CLIC6: variants seen among roughly 807,000 people sequenced by gnomAD.
CLIC6 encodes the protein CLIC family member 6, also known as chloride intracellular channel protein 6.
CLIC6 carries 39 observed loss-of-function variants against 49.2 expected under a neutral mutation model. The ratio of observed to expected loss-of-function variants is 0.79; its 90% CI spans 0.61 to 1.04. The LOEUF is 1.04. CLIC6 is among the 50% of genes least tolerant of loss of function. The pLI is 0.00. For synonymous variants in CLIC6, 446 were observed against 433.4 expected, an observed-to-expected ratio of 1.03 and a Z score of -0.36; for missense variants, 988 against 993.1, an observed-to-expected ratio of 0.99 and a Z score of 0.07.
intron 5 of CLIC6, among the ~76,000 whole-genome samples, chr21:34,710,790 G>A (rs1235709932): frequency 6.6e-6 from 1 of 152,060 alleles, no homozygotes; most frequent in Non-Finnish European, 1.5e-5. Flanking sequence ...TCCAGCTTGG[G>A]TGACAGAGCA....
At chr21:34,670,895 G>C (rs1023229942) in intron 1 of CLIC6, 133 bp downstream of exon 1, 5 of 1,064,286 alleles carry the variant, frequency 4.7e-6, no homozygotes, top group Non-Finnish European at 6.5e-6. Flanking sequence ...TTCCATGCGC[G>C]GGCGGTAGGC....
intron 1 of CLIC6, among the ~76,000 whole-genome samples, chr21:34,694,135 A>ATTTTTTTTTTTTTTTTTT (rs57210806): frequency 1.6e-4 from 20 of 128,416 alleles, no homozygotes; most frequent in African/African-American, 6.3e-4. Flanking sequence ...CGCCTGGTTA[A>ATTTTTTTTTTTTTTTTTT]TTTTTTTTTT....
chr21:34,708,213 C>A, intron 3 of CLIC6, 144 bp downstream of exon 3: 2 of 965,374 alleles, frequency 2.1e-6, no homozygotes, highest in Non-Finnish European at 3.1e-6. Context: ...CTGGTGTAAC[C>A]AGATTAGAGT....
At chr21:34,702,642 T>A (rs1006145383) in intron 1 of CLIC6, among the ~76,000 whole-genome samples, 4 of 152,194 alleles carry the variant, frequency 2.6e-5, no homozygotes, top group African/African-American at 4.8e-5. Context: ...GCTGGCTGTG[T>A]GGCTTGAAGG....
At chr21:34,693,989 T>G (rs2145809133) in intron 1 of CLIC6, among the ~76,000 whole-genome samples, 1 of 149,828 alleles carries the variant, frequency 6.7e-6, no homozygotes, top group East Asian at 1.9e-4. Context: ...TTTTTTTTTT[T>G]TTTGACGGAG....
rs58117172 is a variant in CLIC6, at chr21:34,716,860, T to TCAC, written c.*378_*379insCAC. 1 of 98,320 alleles carries TCAC rather than the reference T, an allele frequency of 1.0e-5. No homozygotes were observed. The highest frequency in any genetic ancestry group is 6.5e-5 in the African/African-American group (1 of 15,422). The allele number at this position is 98,320 out of a possible 1,614,324, so 6.1% of individuals were successfully genotyped here. A position where few individuals can be genotyped will look rare whatever the true frequency, so the allele number is the denominator to read the frequency against. On this transcript the variant is annotated 3_prime_UTR_variant, in exon 6 of 6. Transcript: ENST00000349499. Reference sequence around the variant, plus strand: ...CTCTCTCTCTCTCTCTCTCTCTCTCTATCACACACACACACACACACACAC... The same window carrying TCAC: ...CTCTCTCTCTCTCTCTCTCTCTCTCTCACATCACACACACACACACACACACAC...
At chr21:34,691,920 T>C (rs748203940) in intron 1 of CLIC6, among the ~76,000 whole-genome samples, 2 of 152,222 alleles carry the variant, frequency 1.3e-5, no homozygotes, top group Non-Finnish European at 2.9e-5. Context: ...TATTGAGAAC[T>C]TTAATTTAGC....
intron 1 of CLIC6, among the ~76,000 whole-genome samples, chr21:34,679,898 C>T (rs556120741): frequency 1.2e-4 from 19 of 152,360 alleles, no homozygotes; most frequent in South Asian, 6.2e-4. Flanking sequence ...GCTGCTTTCA[C>T]GGACTGGTGT....
chr21:34,702,836 T>C (rs929785713), intron 1 of CLIC6, among the ~76,000 whole-genome samples: 2 of 152,100 alleles, frequency 1.3e-5, no homozygotes, highest in South Asian at 2.1e-4. Flanking sequence ...TTTTCATCAG[T>C]TTGGTTCAGC....
At chr21:34,688,323 G>A (rs1989921067) in intron 1 of CLIC6, among the ~76,000 whole-genome samples, 1 of 152,312 alleles carries the variant, frequency 6.6e-6, no homozygotes, top group African/African-American at 2.4e-5. Flanking sequence ...GCTGGGTTTT[G>A]CTGGCTGTTG....
intron 1 of CLIC6, among the ~76,000 whole-genome samples, chr21:34,680,809 C>A (rs753664902): frequency 1.3e-5 from 2 of 152,224 alleles, no homozygotes; most frequent in Non-Finnish European, 2.9e-5. Context: ...TCACTACCAG[C>A]ATTTTGGTCA....
chr21:34,705,865 G>T (rs1205784423), intron 1 of CLIC6, among the ~76,000 whole-genome samples: 1 of 152,136 alleles, frequency 6.6e-6, no homozygotes, highest in Non-Finnish European at 1.5e-5. Flanking sequence ...TTGGACTAAG[G>T]CTGAACTTCT....
chr21:34,682,521 C>T (rs1225901749), intron 1 of CLIC6, among the ~76,000 whole-genome samples: 2 of 151,866 alleles, frequency 1.3e-5, no homozygotes, highest in Non-Finnish European at 2.9e-5. Flanking sequence ...TTGACCTATT[C>T]TTTCTGATTT....
intron 1 of CLIC6, among the ~76,000 whole-genome samples, chr21:34,680,057 C>A (rs1212946127): frequency 3.9e-5 from 6 of 152,252 alleles, no homozygotes; most frequent in Non-Finnish European, 8.8e-5. Flanking sequence ...CCTACATTTC[C>A]CTTCTGTACT....
chr21:34,675,778 C>T (rs569895145), intron 1 of CLIC6, among the ~76,000 whole-genome samples: 14 of 152,310 alleles, frequency 9.2e-5, no homozygotes, highest in Admixed American at 4.6e-4. Context: ...GCAGGCCCTC[C>T]ACTGTGCTTT....
chr21:34,694,705 C>A (rs58433295), intron 1 of CLIC6, among the ~76,000 whole-genome samples: 2,323 of 152,288 alleles, frequency 0.015, 56 homozygotes, highest in African/African-American at 0.053. Context: ...AACATCTTTT[C>A]TTTATAAATT....
chr21:34,695,458 A>C (rs115806328), intron 1 of CLIC6, among the ~76,000 whole-genome samples: 1 of 152,238 alleles, frequency 6.6e-6, no homozygotes, highest in Non-Finnish European at 1.5e-5. Context: ...GAACTAGTAC[A>C]TGGACATCTT....
intron 1 of CLIC6, among the ~76,000 whole-genome samples, chr21:34,705,509 G>A (rs769921660): frequency 1.2e-4 from 18 of 152,122 alleles, no homozygotes; most frequent in Non-Finnish European, 1.9e-4. Context: ...CCACCCTTCA[G>A]GCTCCCAGCA....
At chr21:34,679,913 T>A (rs1243379385) in intron 1 of CLIC6, among the ~76,000 whole-genome samples, 1 of 152,194 alleles carries the variant, frequency 6.6e-6, no homozygotes, top group African/African-American at 2.4e-5. Context: ...TGGTGTTGAG[T>A]GTCTGTGGCT....
Sources: allele counts gnomAD v4.1 joint callset (sites outside exome capture counted in the v4.1 genomes callset), GRCh38; gene constraint gnomAD v4.1.1; transcripts MANE v1.5; gene names NCBI Gene and HGNC (gene_info 2026-07-23, HGNC 2026-07-21).